The following PAK1IP1 variants were observed in gnomAD, a reference collection of about 807,000 sequenced individuals.
The protein encoded by PAK1IP1 is PAK1 interacting protein 1.
Under a neutral mutation model 42.0 loss-of-function variants are expected in PAK1IP1, and 24 were observed. The ratio of observed to expected loss-of-function variants is 0.57; its 90% CI spans 0.41 to 0.80. PAK1IP1 has a LOEUF of 0.80. Ranked by LOEUF, PAK1IP1 falls within the 30% of genes least tolerant of loss-of-function variation. The pLI is 0.00. For missense variants in PAK1IP1, 411 were observed against 467.9 expected (o/e 0.88, Z 1.12); for synonymous variants, 154 against 156.7 (o/e 0.98, Z 0.13).
chr6:10,696,257 A>T (rs750945710), intron 1 of PAK1IP1, among the ~76,000 whole-genome samples: 1 of 152,142 alleles, frequency 6.6e-6, no homozygotes, highest in Non-Finnish European at 1.5e-5. Context: ...GAATTTTAAA[A>T]GGTTATTATT....
At chr6:10,694,576 C>T (rs150928914), upstream of PAK1IP1, 78 of 186,404 alleles carry the variant, frequency 4.2e-4, no homozygotes, top group African/African-American at 1.7e-3. Flanking sequence ...CAACAATGCA[C>T]GCTGCCGGCG....
At chr6:10,697,730 A>C (rs1769901323) in intron 2 of PAK1IP1, among the ~76,000 whole-genome samples, 2 of 152,026 alleles carry the variant, frequency 1.3e-5, no homozygotes, top group Admixed American at 1.3e-4. Context: ...CTCTACTAAA[A>C]TACAAAAAAA....
In PAK1IP1 at chr6:10,697,324, CA is replaced by C; in HGVS notation, c.87del (p.Gln29HisfsTer20). 1.9e-6 allele frequency: 3 copies of C among 1,612,452 alleles called. No individual in the cohort carries two copies. Among genetic ancestry groups the C allele is most frequent in the Non-Finnish European group, 2.5e-6 (3 of 1,178,838 alleles). ...PEPEACGDHE[Q>X]WTLVADFTHH... ...AATTGTATGTTTTCATCTTCAGCAGCAATGGACTCTTGTGGCTGACTTCACT... is the reference window on the plus strand; with the variant it reads ...AATTGTATGTTTTCATCTTCAGCAGCATGGACTCTTGTGGCTGACTTCACT... On this transcript the variant is annotated frameshift_variant and splice_region_variant, in exon 2 of 10. Coordinates refer to ENST00000379568, the MANE Select transcript of PAK1IP1 (RefSeq NM_017906.3). LOFTEE classifies it high-confidence loss of function.
intron 4 of PAK1IP1, among the ~76,000 whole-genome samples, chr6:10,703,163 G>T (rs1420060295): frequency 6.6e-6 from 1 of 152,112 alleles, no homozygotes; most frequent in African/African-American, 2.4e-5. Flanking sequence ...GTGAATTGAA[G>T]ATTTTAGAAA....
chr6:10,700,433 A>G lies in PAK1IP1; in HGVS notation c.248-1936A>G, dbSNP rs1769992709. ...GGTTTGCCCTTATGACTTAGTCACC[A>G]TCACCTCCTAAAGGTCTCACCTCTT... On this transcript the variant is annotated intron_variant, in intron 2 of 9. Coordinates refer to ENST00000379568, the MANE Select transcript of PAK1IP1 (RefSeq NM_017906.3). Among the ~76,000 whole-genome samples the G allele has an allele frequency of 5.3e-5, 8 of 152,234 alleles. No individual in the cohort carries two copies. In the South Asian group the frequency reaches 1.5e-3, roughly 28 times the overall value.
intron 8 of PAK1IP1, among the ~76,000 whole-genome samples, chr6:10,708,048 T>C (rs1368243449): frequency 6.6e-6 from 1 of 151,158 alleles, no homozygotes; most frequent in Admixed American, 6.6e-5. Flanking sequence ...TTTCTTTTTT[T>C]TTTTTTTTTT....
At chr6:10,703,066 A>G (rs984694257) in intron 4 of PAK1IP1, among the ~76,000 whole-genome samples, 1 of 152,150 alleles carries the variant, frequency 6.6e-6, no homozygotes, top group African/African-American at 2.4e-5. Flanking sequence ...CAGCCTCCGA[A>G]AGTGCTGGGA....
At chr6:10,704,380 T>G (rs928946608) in intron 5 of PAK1IP1, 127 bp from the exon 6 acceptor site, 1 of 636,002 alleles carries the variant, frequency 1.6e-6, no homozygotes, top group African/African-American at 1.8e-5. Flanking sequence ...TTGTAAAATG[T>G]GTTACGAAGA....
intron 2 of PAK1IP1, 35 bp from the exon 3 acceptor site, chr6:10,702,334 G>A (rs1770052613): frequency 1.3e-6 from 2 of 1,568,740 alleles, no homozygotes; most frequent in Admixed American, 1.7e-5. Flanking sequence ...CATTTAAAAT[G>A]AATATTATTT....
At chr6:10,697,053 A>G (rs920614209) in intron 1 of PAK1IP1, among the ~76,000 whole-genome samples, 2 of 152,216 alleles carry the variant, frequency 1.3e-5, no homozygotes, top group Admixed American at 6.5e-5. Context: ...ACTGTGTTCT[A>G]GAGTGATGAT....
chr6:10,705,433 CA>C (rs1285707531), intron 7 of PAK1IP1, among the ~76,000 whole-genome samples: 3 of 152,146 alleles, frequency 2.0e-5, no homozygotes, highest in African/African-American at 7.2e-5. Context: ...CATATTTGAA[CA>C]AACAAAAGAC....
intron 7 of PAK1IP1, among the ~76,000 whole-genome samples, chr6:10,705,135 C>T (rs562517883): frequency 6.6e-6 from 1 of 152,048 alleles, no homozygotes; most frequent in East Asian, 1.9e-4. Flanking sequence ...CCATCCTGGC[C>T]AACATGGTGA....
intron 1 of PAK1IP1, among the ~76,000 whole-genome samples, chr6:10,696,794 C>T (rs1233002463): frequency 6.6e-6 from 1 of 152,130 alleles, no homozygotes; most frequent in Admixed American, 6.5e-5. Context: ...ATTAGCTGGG[C>T]ATGATGGCAA....
Position 10,703,095 on chromosome 6 carries a change from A to G in PAK1IP1, c.444-310A>G, listed in dbSNP as rs185223112. ...GCTGGGATTACAGGCGTGAGCCACC[A>G]CGCCCAGCCAACAAGCTCCGTTTTC... On this transcript the variant is annotated intron_variant, in intron 4 of 9. Transcript: ENST00000379568. 7.8e-4 allele frequency among the ~76,000 whole-genome samples: 119 copies of G among 152,222 alleles called. 5 individuals carry two copies. The South Asian group carries it at 0.024, about 31-fold the overall frequency.
In PAK1IP1 at chr6:10,702,645, T is replaced by A. The variant is rs1770064738; in HGVS notation, c.443+6T>A. 11 of 1,582,774 alleles carry A rather than the reference T, an allele frequency of 6.9e-6. No individual in the cohort carries two copies. The highest frequency in any genetic ancestry group is 9.6e-6 in the Non-Finnish European group (11 of 1,151,722). ...GGTACAGATAAAACTTTAAGGTAAGTCATTAATGCTCAAGAGCATTTATCT... is the reference window on the plus strand; with the variant it reads ...GGTACAGATAAAACTTTAAGGTAAGACATTAATGCTCAAGAGCATTTATCT... On this transcript the variant is annotated splice_donor_region_variant and intron_variant, in intron 4 of 9. Coordinates refer to ENST00000379568, the MANE Select transcript of PAK1IP1 (RefSeq NM_017906.3).
Position 10,703,245 on chromosome 6 carries a change from G to A in PAK1IP1, c.444-160G>A, listed in dbSNP as rs574669718. Among the ~76,000 whole-genome samples, 12 of 152,192 alleles carry A rather than the reference G, an allele frequency of 7.9e-5. No homozygotes were observed. The East Asian group carries it at 2.3e-3, about 29-fold the overall frequency. On this transcript the variant is annotated intron_variant, in intron 4 of 9. Coordinates refer to ENST00000379568, the MANE Select transcript of PAK1IP1 (RefSeq NM_017906.3). ...TGGGAATGAAGCAAGTCTTAATCCT[G>A]CCTCATAATATTTCAAAATATTGCT...
At chr6:10,708,919 ATG>A in intron 8 of PAK1IP1, 32 bp from the exon 9 acceptor site, 1 of 1,534,346 alleles carries the variant, frequency 6.5e-7, no homozygotes, top group Middle Eastern at 1.7e-4. Flanking sequence ...ATTATTGAAA[ATG>A]CACATTATGA....
At chr6:10,703,047 C>A (rs528079619) in intron 4 of PAK1IP1, among the ~76,000 whole-genome samples, 1 of 152,034 alleles carries the variant, frequency 6.6e-6, no homozygotes, top group South Asian at 2.1e-4. Flanking sequence ...CCTCATGATC[C>A]GCCCGCCTCA....
chr6:10,701,512 A>G (rs575960486), intron 2 of PAK1IP1, among the ~76,000 whole-genome samples: 1 of 152,338 alleles, frequency 6.6e-6, no homozygotes, highest in East Asian at 1.9e-4. Flanking sequence ...TTGCTAATAG[A>G]TAAGCTTTTT....
Sources: allele counts gnomAD v4.1 joint callset (sites outside exome capture counted in the v4.1 genomes callset), GRCh38; gene constraint gnomAD v4.1.1; transcripts MANE v1.5; gene names NCBI Gene and HGNC (gene_info 2026-07-23, HGNC 2026-07-21).